NIPSNAP3B: variants seen among roughly 807,000 people sequenced by gnomAD.
NIPSNAP3B encodes nipsnap homolog 3B, also known as protein NipSnap homolog 3B.
Under a neutral mutation model 31.5 loss-of-function variants are expected in NIPSNAP3B, and 30 were observed. The observed-to-expected ratio is 0.95, with a 90% CI of 0.71 to 1.29. The LOEUF is 1.29. Ranked by LOEUF, NIPSNAP3B falls within the 50% of genes most tolerant of loss-of-function variation. The probability of loss-of-function intolerance (pLI) is 0.00; values close to 1 mark genes in which losing one functional copy is unlikely to be tolerated. For synonymous variants in NIPSNAP3B, 106 were observed against 107.9 expected, an observed-to-expected ratio of 0.98 and a Z score of 0.11; for missense variants, 269 against 300.7, an observed-to-expected ratio of 0.89 and a Z score of 0.78.
At chr9:104,771,137 GCATCTTATTTTA>G in intron 4 of NIPSNAP3B, 139 bp downstream of exon 4, 1 of 666,690 alleles carries the variant, frequency 1.5e-6, no homozygotes, top group Admixed American at 2.9e-5. Context: ...AAATCTATAA[GCATCTTATTTTA>G]CATCTTATTT....
At chr9:104,790,844 C>A in the NIPSNAP3B span, 5 of 1,046,722 alleles carry the variant, frequency 4.8e-6, no homozygotes, top group South Asian at 2.6e-5. Flanking sequence ...CCACTGTAAT[C>A]AAAAATAACA....
chr9:104,782,197 T>A (rs1828585931), downstream of NIPSNAP3B: 2 of 152,164 alleles, frequency 1.3e-5, no homozygotes, highest in African/African-American at 4.8e-5. Flanking sequence ...CTATAAATTC[T>A]GTATTTTTGA....
Position 104,768,070 on chromosome 9 carries a change from TTATAC to T in NIPSNAP3B, c.272-788_272-784del, listed in dbSNP as rs977509125. Among the ~76,000 whole-genome samples the T allele has an allele frequency of 9.2e-5, 14 of 152,348 alleles. No individual in the cohort carries two copies. The South Asian group carries it at 1.9e-3, about 20-fold the overall frequency. On this transcript the variant is annotated intron_variant, in intron 2 of 5. Transcript: ENST00000374762. ...AATATAGATACTATGTAAGTAGTTGTTATACTATATTATTTCACTTGTATTTTTAA... is the reference window on the plus strand; with the variant it reads ...AATATAGATACTATGTAAGTAGTTGTTATATTATTTCACTTGTATTTTTAA...
At chr9:104,785,078 A>T in the NIPSNAP3B span, among the ~76,000 whole-genome samples, 3 of 152,214 alleles carry the variant, frequency 2.0e-5, no homozygotes, top group Non-Finnish European at 4.4e-5. Context: ...AAGTGTCAGG[A>T]CCTATTTGGT....
intron 1 of NIPSNAP3B, among the ~76,000 whole-genome samples, chr9:104,765,591 A>G (rs1433864992): frequency 6.6e-6 from 1 of 152,252 alleles, no homozygotes; most frequent in Non-Finnish European, 1.5e-5. Context: ...TAAACTTGGT[A>G]TAATTGAGTG....
the NIPSNAP3B span, chr9:104,786,275 C>A: frequency 1.3e-6 from 2 of 1,582,132 alleles, no homozygotes; most frequent in South Asian, 1.1e-5. Context: ...TAGGCACTAT[C>A]CCAAAGAAAT....
the NIPSNAP3B span, chr9:104,786,746 T>C: frequency 2.7e-5 from 24 of 899,790 alleles, no homozygotes; most frequent in Non-Finnish European, 3.8e-5. Context: ...TATGCATATA[T>C]AATTTCAGGT....
chr9:104,779,364 G>A (rs1319615016), downstream of NIPSNAP3B, among the ~76,000 whole-genome samples: 1 of 152,128 alleles, frequency 6.6e-6, no homozygotes, highest in Non-Finnish European at 1.5e-5. Context: ...ATACAGTAAA[G>A]TTCAATAAAT....
chr9:104,787,530 T>C, the NIPSNAP3B span, among the ~76,000 whole-genome samples: 1 of 152,248 alleles, frequency 6.6e-6, no homozygotes, highest in Non-Finnish European at 1.5e-5. Context: ...CAGTCTGATC[T>C]GTTTTTCATC....
the NIPSNAP3B span, chr9:104,784,465 G>T: frequency 6.2e-7 from 1 of 1,613,998 alleles, no homozygotes; most frequent in Non-Finnish European, 8.5e-7. Flanking sequence ...CCTGTTAAAA[G>T]ATTAAGATGG....
the NIPSNAP3B span, among the ~76,000 whole-genome samples, chr9:104,786,107 G>C: frequency 6.6e-6 from 1 of 152,220 alleles, no homozygotes; most frequent in African/African-American, 2.4e-5. Context: ...TTGCCCAAGA[G>C]TCACAGAACC....
rs549929215 is a variant in NIPSNAP3B at position 104,774,638 on chromosome 9, C to A, written c.*1565C>A. Among the ~76,000 whole-genome samples, 26 of 152,178 alleles carry A rather than the reference C, an allele frequency of 1.7e-4. 1 individual carries two copies. Among genetic ancestry groups the A allele is most frequent in the South Asian group, 1.7e-3 (8 of 4,818 alleles). On this transcript the variant is annotated 3_prime_UTR_variant, in exon 6 of 6. Coordinates refer to ENST00000374762, the MANE Select transcript of NIPSNAP3B (RefSeq NM_018376.4). ...TATCTTTTTTAATGGGTACACTCTA[C>A]GTTACCTTAAAGGCTTCCCCGGTTT...
In NIPSNAP3B at chr9:104,775,874, A is replaced by G. The variant is rs1360701523; in HGVS notation, c.*2801A>G. Among the ~76,000 whole-genome samples, 13 of 152,180 alleles carry G rather than the reference A, an allele frequency of 8.5e-5. No homozygotes were observed. The highest frequency in any genetic ancestry group is 8.3e-4 in the South Asian group (4 of 4,830). On this transcript the variant is annotated 3_prime_UTR_variant, in exon 6 of 6. Transcript: ENST00000374762. ...ATGTACCTGTCAGCAGGTCCCAAAT[A>G]TCTAGAATTTGATTGCTTCACATCC...
At chr9:104,765,252 TG>T (rs1414912059) in intron 1 of NIPSNAP3B, among the ~76,000 whole-genome samples, 1 of 152,224 alleles carries the variant, frequency 6.6e-6, no homozygotes, top group African/African-American at 2.4e-5. Context: ...ATTTGCATGT[TG>T]TAACCAAAAA....
At chr9:104,785,414 A>G in the NIPSNAP3B span, 1 of 1,614,050 alleles carries the variant, frequency 6.2e-7, no homozygotes, top group Non-Finnish European at 8.5e-7. Context: ...GTGTTGTCTG[A>G]GAAACAGAGT....
rs1007747852 is a variant in NIPSNAP3B at position 104,772,850 on chromosome 9, A to G, written c.609A>G (p.Ala203=). 2.5e-6 allele frequency: 4 copies of G among 1,613,480 alleles called. No individual in the cohort carries two copies. The highest frequency in any genetic ancestry group is 3.4e-6 in the Non-Finnish European group (4 of 1,179,722). ...ATGTTCTTTGGTGGAATGAGAGTGC[A>G]GATAGTCGTGCAGCTGGGAGACATA... The part of the protein sequence containing the change: ...RVHVLWWNES[A]DSRAAGRHKS... Residue 203 remains alanine (A), a synonymous_variant, in exon 5 of 6, where the codon GCA becomes GCG. Coordinates refer to ENST00000374762, the MANE Select transcript of NIPSNAP3B (RefSeq NM_018376.4).
intron 2 of NIPSNAP3B, among the ~76,000 whole-genome samples, chr9:104,767,325 C>T (rs1027372924): frequency 6.6e-6 from 1 of 152,080 alleles, no homozygotes; most frequent in Non-Finnish European, 1.5e-5. Flanking sequence ...GACAGTCCTT[C>T]CCATATTGAA....
chr9:104,779,868 T>C (rs979623046), downstream of NIPSNAP3B, among the ~76,000 whole-genome samples: 16 of 151,968 alleles, frequency 1.1e-4, no homozygotes, highest in Non-Finnish European at 2.1e-4. Context: ...CCATCTCTAC[T>C]AAAAATACAA....
At position 104,764,252 on chromosome 9, in the gene NIPSNAP3B, C is replaced by T. The variant is rs756699905; in HGVS notation, c.12C>T (p.Leu4=). Residue 4 remains leucine, a synonymous_variant, in exon 1 of 6, where the codon CTC becomes CTT. Transcript: ENST00000374762. ...GCCGAAGCCGCGCCATGCTCGTTCT[C>T]AGAAGCGGCCTGACCAAGGCGCTTG... MLV[L]RSGLTKALAS... 1.9e-6 allele frequency: 3 copies of T among 1,601,510 alleles called. No homozygotes were observed. In the African/African-American group the frequency reaches 4.0e-5, roughly 21 times the overall value.
Sources: allele counts gnomAD v4.1 joint callset (sites outside exome capture counted in the v4.1 genomes callset), GRCh38; gene constraint gnomAD v4.1.1; transcripts MANE v1.5; gene names NCBI Gene and HGNC (gene_info 2026-07-23, HGNC 2026-07-21).